Variants in ARIH2 observed in about 807,000 individuals in gnomAD.
ARIH2 encodes the protein E3 ubiquitin-protein ligase ARIH2.
ARIH2 carries 12 observed loss-of-function variants against 79.8 expected under a neutral mutation model. The observed-to-expected ratio is 0.15, with a 90% CI of 0.10 to 0.24. The LOEUF (loss-of-function observed/expected upper bound fraction) is 0.24, where lower values mean the gene tolerates loss of function less well. ARIH2 is among the 10% of genes least tolerant of loss of function. The pLI, the probability that ARIH2 is intolerant of heterozygous loss-of-function variation, is 1.00. For missense variants in ARIH2, 301 were observed against 618.3 expected (o/e 0.49, Z 5.44); for synonymous variants, 224 against 213.9 (o/e 1.05, Z -0.41).
intron 14 of ARIH2, chr3:48,982,605 C>G: frequency 3.1e-6 from 1 of 322,764 alleles, no homozygotes; most frequent in Admixed American, 4.7e-5. Flanking sequence ...CATTCCCTTT[C>G]ATGTTGGGAG....
intron 3 of ARIH2, among the ~76,000 whole-genome samples, chr3:48,954,204 C>T (rs776469809): frequency 2.2e-4 from 33 of 151,844 alleles, no homozygotes; most frequent in Non-Finnish European, 4.1e-4. Flanking sequence ...GCCTGTAATC[C>T]GAGCACTTTG....
intron 11 of ARIH2, among the ~76,000 whole-genome samples, chr3:48,977,149 C>T (rs2092552975): frequency 6.6e-6 from 1 of 151,336 alleles, no homozygotes; most frequent in Non-Finnish European, 1.5e-5. Flanking sequence ...TTGCAGTGAG[C>T]CAGGATCGCA....
intron 13 of ARIH2, 107 bp downstream of exon 13, chr3:48,980,603 G>A: frequency 7.6e-7 from 1 of 1,312,688 alleles, no homozygotes; most frequent in Non-Finnish European, 1.0e-6. Context: ...TTAGCACCCT[G>A]TGCAGCCTTT....
In ARIH2 at chr3:48,979,940, T is replaced by C. The variant is rs529482703; in HGVS notation, c.1113+307T>C. The C allele has an allele frequency of 1.8e-4, 52 of 284,136 alleles. 1 individual carries two copies. Among genetic ancestry groups the C allele is most frequent in the Non-Finnish European group, 1.6e-4 (25 of 154,308 alleles). The allele number at this position is 284,136 out of a possible 1,614,324, so 17.6% of individuals were successfully genotyped here. On this transcript the variant is annotated intron_variant, in intron 12 of 15. Transcript: ENST00000356401. Reference sequence around the variant, plus strand: ...TTTTTTTTTTTTTCTTTTTTCTACGTTTTTAATTTTTATTTATTTTTTTCT... The same window carrying C: ...TTTTTTTTTTTTTCTTTTTTCTACGCTTTTAATTTTTATTTATTTTTTTCT...
chr3:48,919,114 C>T, intron 1 of ARIH2, 116 bp downstream of exon 1: 4 of 1,281,938 alleles, frequency 3.1e-6, no homozygotes, highest in East Asian at 6.1e-5. Context: ...CCGGGAGGCC[C>T]GGGCGCTCCC....
At chr3:48,937,268 T>A (rs2087285540) in intron 3 of ARIH2, among the ~76,000 whole-genome samples, 1 of 152,232 alleles carries the variant, frequency 6.6e-6, no homozygotes, top group African/African-American at 2.4e-5. Context: ...TCCAGGAGTC[T>A]GTAGATAACC....
intron 3 of ARIH2, chr3:48,934,985 A>C: frequency 3.1e-6 from 3 of 980,394 alleles, no homozygotes; most frequent in Non-Finnish European, 3.6e-6. Context: ...TTTGACATTT[A>C]TATTTTAATC....
chr3:48,973,973 G>A (rs1036515910), intron 9 of ARIH2, among the ~76,000 whole-genome samples, 157 bp downstream of exon 9: 1 of 152,158 alleles, frequency 6.6e-6, no homozygotes, highest in Non-Finnish European at 1.5e-5. Context: ...TTGGCAGCTC[G>A]TAGCAGTTTA....
At chr3:48,924,475 A>G (rs2085286681) in intron 2 of ARIH2, among the ~76,000 whole-genome samples, 1 of 151,112 alleles carries the variant, frequency 6.6e-6, no homozygotes, top group Admixed American at 6.6e-5. Flanking sequence ...CGATGTAGCC[A>G]GGACTACAGA....
intron 3 of ARIH2, among the ~76,000 whole-genome samples, chr3:48,955,258 A>C (rs2090447611): frequency 6.6e-6 from 1 of 152,134 alleles, no homozygotes; most frequent in African/African-American, 2.4e-5. Flanking sequence ...CTCTGGTTAC[A>C]TGTTGATCTA....
chr3:48,953,856 C>T (rs2090277424), intron 3 of ARIH2, among the ~76,000 whole-genome samples: 2 of 151,894 alleles, frequency 1.3e-5, no homozygotes, highest in Non-Finnish European at 2.9e-5. Flanking sequence ...GCCACCATGC[C>T]CAGCTAATTA....
intron 3 of ARIH2, among the ~76,000 whole-genome samples, chr3:48,936,816 T>C (rs1576213552): frequency 1.3e-5 from 2 of 151,238 alleles, no homozygotes; most frequent in African/African-American, 4.9e-5. Flanking sequence ...GATCACGAGG[T>C]CAGGAGATCG....
chr3:48,971,667 A>T (rs1447347124), intron 8 of ARIH2, among the ~76,000 whole-genome samples: 1 of 152,230 alleles, frequency 6.6e-6, no homozygotes, highest in Non-Finnish European at 1.5e-5. Context: ...GGGGCTTCAG[A>T]GAAACTACAT....
At chr3:48,977,497 G>A (rs370630460) in intron 11 of ARIH2, among the ~76,000 whole-genome samples, 3 of 149,656 alleles carry the variant, frequency 2.0e-5, no homozygotes, top group African/African-American at 4.9e-5. Context: ...TCACTCTGTC[G>A]CCTGGGCTAG....
At chr3:48,979,881 G>T in intron 12 of ARIH2, 1 of 400,948 alleles carries the variant, frequency 2.5e-6, no homozygotes, top group South Asian at 8.2e-5. Context: ...GACAATGAAG[G>T]GCCATCAGAC....
chr3:48,937,920 G>A (rs1333013446), intron 3 of ARIH2, among the ~76,000 whole-genome samples: 3 of 151,624 alleles, frequency 2.0e-5, no homozygotes, highest in South Asian at 2.1e-4. Flanking sequence ...AGTGGCGGGC[G>A]CCTGTAGTCC....
At chr3:48,977,937 A>T (rs1235855125) in intron 11 of ARIH2, among the ~76,000 whole-genome samples, 1 of 152,188 alleles carries the variant, frequency 6.6e-6, no homozygotes, top group African/African-American at 2.4e-5. Flanking sequence ...CAGTAAGCCA[A>T]GTTATCCCTG....
rs867536495 is a variant in ARIH2 at position 48,955,530 on chromosome 3, C to A, written c.256-6082C>A. ...GAAAGGTTTTCTCTTCACAATTGAA[C>A]AAATTATAAAGGGTAACAAGGGGAC... is the stretch of plus-strand genomic sequence containing the variant. On this transcript the variant is annotated intron_variant, in intron 3 of 15. Coordinates refer to ENST00000356401, the MANE Select transcript of ARIH2 (RefSeq NM_006321.4). 5.3e-5 allele frequency among the ~76,000 whole-genome samples: 8 copies of A among 152,202 alleles called. 1 individual carries two copies. The Middle Eastern group carries it at 0.01, about 194-fold the overall frequency.
At chr3:48,923,420 C>T (rs892669382) in intron 2 of ARIH2, among the ~76,000 whole-genome samples, 1 of 149,938 alleles carries the variant, frequency 6.7e-6, no homozygotes, top group Non-Finnish European at 1.5e-5. Flanking sequence ...AAAGGTCAGA[C>T]TGCAAACATT....
Sources: allele counts gnomAD v4.1 joint callset (sites outside exome capture counted in the v4.1 genomes callset), GRCh38; gene constraint gnomAD v4.1.1; transcripts MANE v1.5; gene names NCBI Gene and HGNC (gene_info 2026-07-23, HGNC 2026-07-21).